THSD4: variants seen among roughly 807,000 people sequenced by gnomAD.
THSD4 encodes the protein thrombospondin type 1 domain containing 4, also known as thrombospondin type-1 domain-containing protein 4.
THSD4 carries 69 observed loss-of-function variants against 119.0 expected under a neutral mutation model. The ratio of observed to expected loss-of-function variants is 0.58; its 90% CI spans 0.48 to 0.71. The LOEUF (loss-of-function observed/expected upper bound fraction) is 0.71, where lower values mean the gene tolerates loss of function less well. Among genes scored for constraint, THSD4 ranks in the 30% least tolerant of loss-of-function variants. The pLI is 0.00. For synonymous variants in THSD4, 524 were observed against 540.4 expected (o/e 0.97, Z 0.42); for missense variants, 1,393 against 1,391.1 (o/e 1.00, Z -0.02).
At chr15:71,676,974 G>A (rs2051664947) in intron 8 of THSD4, among the ~76,000 whole-genome samples, 1 of 152,134 alleles carries the variant, frequency 6.6e-6, no homozygotes, top group Non-Finnish European at 1.5e-5. Context: ...CCTAGGAGTG[G>A]AATTGATGAG....
intron 7 of THSD4, among the ~76,000 whole-genome samples, chr15:71,489,449 C>A (rs961437359): frequency 6.6e-6 from 1 of 152,160 alleles, no homozygotes; most frequent in Admixed American, 6.5e-5. Context: ...CCCCCAGGAG[C>A]TATCCCCAGC....
Position 71,728,592 on chromosome 15 carries a change from G to A in THSD4, c.1401G>A (p.Trp467Ter), listed in dbSNP as rs112482091. The A allele has an allele frequency of 3.1e-6, 5 of 1,614,180 alleles. No homozygotes were observed. The highest frequency in any genetic ancestry group is 4.2e-6 in the Non-Finnish European group (5 of 1,180,042). The part of the protein sequence containing the change: ...RSGRSIINGN[W>*]AIDRPGKYEG... ...GACGCTCCATCATCAATGGGAACTG[G>A]GCAATTGATCGACCAGGAAAATACG... The change falls in exon 9 of 18, where the codon TGG (tryptophan) becomes TGA (stop). Residue 467 changes from tryptophan to a stop codon, truncating the protein, a stop_gained. Coordinates refer to ENST00000261862, the MANE Select transcript of THSD4 (RefSeq NM_024817.3). LOFTEE classifies it high-confidence loss of function.
intron 3 of THSD4, among the ~76,000 whole-genome samples, chr15:71,168,182 G>A (rs1025929734): frequency 6.6e-6 from 1 of 152,168 alleles, no homozygotes; most frequent in African/African-American, 2.4e-5. Context: ...CCAAGAGTAG[G>A]AAAAAACTTG....
chr15:71,431,056 A>T (rs968475702), intron 7 of THSD4, among the ~76,000 whole-genome samples: 3 of 152,222 alleles, frequency 2.0e-5, no homozygotes, highest in African/African-American at 4.8e-5. Context: ...ATGAATTTCA[A>T]CATTTTGGAG....
intron 1 of THSD4, among the ~76,000 whole-genome samples, chr15:71,127,100 C>T (rs938167937): frequency 6.6e-6 from 1 of 152,226 alleles, no homozygotes. Context: ...ACCCTCCAGC[C>T]TCTGTAGCTA....
chr15:71,294,663 A>G (rs568731975), intron 6 of THSD4, among the ~76,000 whole-genome samples: 2 of 152,318 alleles, frequency 1.3e-5, no homozygotes, highest in African/African-American at 2.4e-5. Context: ...TGATTAGTCC[A>G]TAATGTAAAT....
At chr15:71,605,602 A>G (rs977522914) in intron 7 of THSD4, among the ~76,000 whole-genome samples, 2 of 152,220 alleles carry the variant, frequency 1.3e-5, no homozygotes, top group African/African-American at 4.8e-5. Flanking sequence ...AGGGGGAAGG[A>G]TGAAGTAGCC....
chr15:71,150,824 T>C (rs1187683084), intron 2 of THSD4, among the ~76,000 whole-genome samples: 8 of 152,320 alleles, frequency 5.3e-5, no homozygotes, highest in Middle Eastern at 3.4e-3. Flanking sequence ...TTTTCAAATA[T>C]GTTAATTCAC....
At chr15:71,482,437 C>T (rs904391797) in intron 7 of THSD4, among the ~76,000 whole-genome samples, 1 of 151,266 alleles carries the variant, frequency 6.6e-6, no homozygotes, top group Admixed American at 6.6e-5. Flanking sequence ...ACTACAGGCA[C>T]CTGCCACCAC....
chr15:71,721,651 C>T (rs994989336), intron 8 of THSD4, among the ~76,000 whole-genome samples: 1 of 148,128 alleles, frequency 6.8e-6, no homozygotes, highest in Non-Finnish European at 1.5e-5. Flanking sequence ...ACCTGAGTAA[C>T]AGAGTGAGAC....
At chr15:71,668,999 A>G (rs78572220) in intron 8 of THSD4, among the ~76,000 whole-genome samples, 4,471 of 152,320 alleles carry the variant, frequency 0.029, 233 homozygotes, top group African/African-American at 0.1. Flanking sequence ...ATACTTATAT[A>G]AATAATTCTG....
At chr15:71,714,623 G>C (rs1444624841) in intron 8 of THSD4, among the ~76,000 whole-genome samples, 1 of 152,118 alleles carries the variant, frequency 6.6e-6, no homozygotes, top group African/African-American at 2.4e-5. Flanking sequence ...AGTGGGGGTG[G>C]ATCACTTGAG....
In THSD4 at chr15:71,215,546, C is replaced by T; in HGVS notation, c.464+147C>T. 4 of 851,560 alleles carry T rather than the reference C, an allele frequency of 4.7e-6. No homozygotes were observed. In the South Asian group the frequency reaches 6.9e-5, roughly 15 times the overall value. 52.8% of individuals were successfully genotyped at this position (851,560 alleles called of 1,614,324 possible). ...AGGTGGCAAGGAGCTCTGGGCTCCA[C>T]GAAGCTCCTTTCACCTTTTGATTTA... is the stretch of plus-strand genomic sequence containing the variant. On this transcript the variant is annotated intron_variant, in intron 4 of 17. Coordinates refer to ENST00000261862, the MANE Select transcript of THSD4 (RefSeq NM_024817.3).
intron 6 of THSD4, among the ~76,000 whole-genome samples, chr15:71,302,369 G>A (rs1392902361): frequency 6.6e-6 from 1 of 152,144 alleles, no homozygotes; most frequent in Non-Finnish European, 1.5e-5. Flanking sequence ...GGCTGATGCA[G>A]GCACTGAGCC....
chr15:71,592,625 C>T (rs72739298), intron 7 of THSD4, among the ~76,000 whole-genome samples: 11,535 of 151,826 alleles, frequency 0.076, 499 homozygotes, highest in Admixed American at 0.12. Flanking sequence ...GGGCTGGATT[C>T]ACTTTTATAG....
intron 7 of THSD4, among the ~76,000 whole-genome samples, chr15:71,525,731 A>G (rs1218527078): frequency 6.6e-6 from 1 of 152,188 alleles, no homozygotes; most frequent in Admixed American, 6.5e-5. Flanking sequence ...GAAAAGTCAG[A>G]ATCTGTTGGG....
chr15:71,227,382 G>A (rs1056225443), intron 4 of THSD4, among the ~76,000 whole-genome samples: 2 of 152,218 alleles, frequency 1.3e-5, no homozygotes, highest in African/African-American at 2.4e-5. Flanking sequence ...GGGGATCTCA[G>A]TTCTGCATCT....
At chr15:71,174,127 A>G (rs997240922) in intron 3 of THSD4, among the ~76,000 whole-genome samples, 4 of 152,204 alleles carry the variant, frequency 2.6e-5, no homozygotes, top group African/African-American at 9.6e-5. Flanking sequence ...AAAAGACACT[A>G]TCGAGCAGAA....
intron 2 of THSD4, among the ~76,000 whole-genome samples, chr15:71,142,032 G>C (rs1468849511): frequency 6.6e-6 from 1 of 152,118 alleles, no homozygotes; most frequent in Non-Finnish European, 1.5e-5. Context: ...GAACCCTGGA[G>C]GTGGGGTCAG....
Sources: gnomAD v4.1 joint callset for allele counts (sites outside exome capture counted in the v4.1 genomes callset) on GRCh38, gnomAD v4.1.1 for gene constraint, MANE v1.5 for transcripts, NCBI Gene and HGNC (gene_info 2026-07-23, HGNC 2026-07-21) for gene names.